TBC1D19: variants seen among roughly 807,000 people sequenced by gnomAD.
The protein encoded by TBC1D19 is TBC1 domain family, member 19.
A neutral mutation model predicts 89.0 loss-of-function variants in TBC1D19; 60 were observed. The ratio of observed to expected loss-of-function variants is 0.67; its 90% confidence interval spans 0.55 to 0.84. TBC1D19 has a LOEUF of 0.84. Ranked by LOEUF, TBC1D19 falls within the 40% of genes least tolerant of loss-of-function variation. TBC1D19 has a pLI of 0.00. For synonymous variants in TBC1D19, 189 were observed against 199.7 expected, an observed-to-expected ratio of 0.95 and a Z score of 0.45; for missense variants, 500 against 610.8, an observed-to-expected ratio of 0.82 and a Z score of 1.91.
At chr4:26,823,955 C>T in the TBC1D19 span, among the ~76,000 whole-genome samples, 16 of 152,184 alleles carry the variant, frequency 1.1e-4, no homozygotes, top group African/African-American at 2.9e-4. Context: ...ACTGCCTGAC[C>T]GCTGGCTCCA....
intron 20 of TBC1D19, among the ~76,000 whole-genome samples, 181 bp from the exon 21 acceptor site, chr4:26,754,692 A>G (rs903826016): frequency 6.6e-6 from 1 of 152,232 alleles, no homozygotes; most frequent in Non-Finnish European, 1.5e-5. Flanking sequence ...ACATTTCAGC[A>G]TTTTGCACAT....
At chr4:26,846,514 T>C in the TBC1D19 span, among the ~76,000 whole-genome samples, 3 of 152,180 alleles carry the variant, frequency 2.0e-5, no homozygotes, top group African/African-American at 4.8e-5. Flanking sequence ...GTCAAATGGA[T>C]TGCACATATT....
rs775789429 is a variant in TBC1D19 at position 26,735,460 on chromosome 4, A to G, written c.1090A>G (p.Ile364Val). 2 of 1,535,462 alleles carry G rather than the reference A, an allele frequency of 1.3e-6. No individual in the cohort carries two copies. Among genetic ancestry groups the G allele is most frequent in the Non-Finnish European group, 1.8e-6 (2 of 1,136,452 alleles). ...YAVFYPPNGV[I>V]PFHGFSMYVA... ...AAATACCTTTTTTTTTTTAGGTGTT[A>G]TCCCTTTTCATGGATTTTCAATGTA... Residue 364 changes from isoleucine (I) to valine (V), a missense_variant, in exon 16 of 21, where the codon ATC becomes GTC. Physicochemically the swap from Ile to Val is conservative, Grantham distance 29 (BLOSUM62 3). Around this residue, in one of 2 missense-constraint regions of TBC1D19, gnomAD observed 220 missense variants for 319.1 expected, o/e 0.69. Coordinates refer to ENST00000264866, the MANE Select transcript of TBC1D19 (RefSeq NM_018317.4).
At chr4:26,753,434 A>G (rs1719089078) in intron 19 of TBC1D19, among the ~76,000 whole-genome samples, 1 of 152,222 alleles carries the variant, frequency 6.6e-6, no homozygotes, top group Non-Finnish European at 1.5e-5. Flanking sequence ...ATTCAAGACC[A>G]GCCTAGGCAA....
At chr4:26,583,210 G>A (rs962525895), upstream of TBC1D19, among the ~76,000 whole-genome samples, 3 of 151,968 alleles carry the variant, frequency 2.0e-5, no homozygotes, top group African/African-American at 7.3e-5. Context: ...TTTTGGGGGG[G>A]GAAGGGAGGT....
At chr4:26,750,544 A>T (rs2109332593) in intron 19 of TBC1D19, among the ~76,000 whole-genome samples, 1 of 152,262 alleles carries the variant, frequency 6.6e-6, no homozygotes, top group East Asian at 1.9e-4. Context: ...CCCTTAGCAA[A>T]CTGAAGGAAA....
chr4:26,590,784 T>C (rs973825168), intron 1 of TBC1D19, among the ~76,000 whole-genome samples: 7 of 144,124 alleles, frequency 4.9e-5, no homozygotes, highest in Non-Finnish European at 1.1e-4. Flanking sequence ...TCACTCTTTG[T>C]CTTGCAGGTC....
chr4:26,779,616 G>C, the TBC1D19 span, among the ~76,000 whole-genome samples: 1 of 152,128 alleles, frequency 6.6e-6, no homozygotes, highest in South Asian at 2.1e-4. Context: ...TTGGGTTTTG[G>C]ACTAAGTCAA....
intron 18 of TBC1D19, among the ~76,000 whole-genome samples, chr4:26,743,082 G>C (rs1718463164): frequency 6.6e-6 from 1 of 151,986 alleles, no homozygotes; most frequent in African/African-American, 2.4e-5. Context: ...TCTAAAATTT[G>C]AGTTTTGTTC....
At chr4:26,596,243 C>T (rs1740202283) in intron 1 of TBC1D19, among the ~76,000 whole-genome samples, 1 of 152,208 alleles carries the variant, frequency 6.6e-6, no homozygotes, top group African/African-American at 2.4e-5. Context: ...AGGCATGAGC[C>T]ACCGTGCTCG....
At chr4:26,695,117 T>C (rs1714649219) in intron 13 of TBC1D19, among the ~76,000 whole-genome samples, 1 of 151,494 alleles carries the variant, frequency 6.6e-6, no homozygotes. Flanking sequence ...TGAAAAAGAT[T>C]AGACGAGTGG....
intron 7 of TBC1D19, among the ~76,000 whole-genome samples, chr4:26,655,948 C>T (rs1037680332): frequency 2.6e-5 from 4 of 152,156 alleles, no homozygotes; most frequent in African/African-American, 4.8e-5. Context: ...AGAAATCGTT[C>T]GTCTTCTGCG....
the TBC1D19 span, among the ~76,000 whole-genome samples, chr4:26,816,790 A>G: frequency 1.3e-5 from 2 of 151,684 alleles, no homozygotes; most frequent in Admixed American, 1.3e-4. Context: ...TGTCAATATC[A>G]TGAAAGACAA....
At chr4:26,789,349 A>T in the TBC1D19 span, among the ~76,000 whole-genome samples, 1 of 152,200 alleles carries the variant, frequency 6.6e-6, no homozygotes, top group Non-Finnish European at 1.5e-5. Flanking sequence ...GCAGAGGATG[A>T]TGTGTCACTT....
chr4:26,825,758 T>C, the TBC1D19 span, among the ~76,000 whole-genome samples: 1 of 152,378 alleles, frequency 6.6e-6, no homozygotes, highest in African/African-American at 2.4e-5. Context: ...AAAATCTCTG[T>C]GCCTCATTTT....
At chr4:26,809,714 C>G in the TBC1D19 span, among the ~76,000 whole-genome samples, 3 of 152,168 alleles carry the variant, frequency 2.0e-5, no homozygotes, top group African/African-American at 7.2e-5. Context: ...GTTATCACAC[C>G]TGAGCGGTGA....
intron 1 of TBC1D19, among the ~76,000 whole-genome samples, chr4:26,595,495 A>G (rs1740150661): frequency 6.6e-6 from 1 of 152,214 alleles, no homozygotes; most frequent in Non-Finnish European, 1.5e-5. Context: ...GCTAAACCCT[A>G]AGGTCATCTA....
At chr4:26,580,496 T>C (rs754779089), upstream of TBC1D19, among the ~76,000 whole-genome samples, 12 of 152,204 alleles carry the variant, frequency 7.9e-5, no homozygotes, top group Non-Finnish European at 1.6e-4. Context: ...TGGGGTCTTG[T>C]GCCAACAAAT....
At chr4:26,855,568 AT>A in the TBC1D19 span, among the ~76,000 whole-genome samples, 4 of 151,946 alleles carry the variant, frequency 2.6e-5, no homozygotes, top group Non-Finnish European at 5.9e-5. Context: ...ACTTATGGCC[AT>A]TTTTTTTATA....
Sources: allele counts gnomAD v4.1 joint callset (sites outside exome capture counted in the v4.1 genomes callset), GRCh38; gene constraint gnomAD v4.1.1; regional missense constraint gnomAD v4.1.1; transcripts MANE v1.5; gene names NCBI Gene and HGNC (gene_info 2026-07-23, HGNC 2026-07-21).